Variants in CNTNAP2 observed in about 807,000 individuals in gnomAD.
CNTNAP2 encodes contactin associated protein 2.
A neutral mutation model predicts 155.2 loss-of-function variants in CNTNAP2; 98 were observed. The observed-to-expected ratio is 0.63, with a 90% confidence interval of 0.54 to 0.75. The LOEUF is 0.75. CNTNAP2 is among the 30% of genes least tolerant of loss of function. CNTNAP2 has a pLI of 0.00. For synonymous variants in CNTNAP2, 651 were observed against 631.2 expected, an observed-to-expected ratio of 1.03 and a Z score of -0.47; for missense variants, 1,727 against 1,688.1, an observed-to-expected ratio of 1.02 and a Z score of -0.40.
chr7:146,806,067 A>G (rs1303909553), intron 2 of CNTNAP2, among the ~76,000 whole-genome samples: 3 of 152,202 alleles, frequency 2.0e-5, no homozygotes, highest in Admixed American at 6.5e-5. Context: ...CTGCTCCATG[A>G]TAGTACAAAT....
intron 13 of CNTNAP2, among the ~76,000 whole-genome samples, chr7:147,674,824 A>G (rs1216690564): frequency 6.6e-6 from 1 of 152,030 alleles, no homozygotes; most frequent in African/African-American, 2.4e-5. Flanking sequence ...TTAGTTGATA[A>G]CTGAAAGTTT....
intron 2 of CNTNAP2, among the ~76,000 whole-genome samples, chr7:146,816,219 T>A (rs988922284): frequency 6.6e-6 from 1 of 152,130 alleles, no homozygotes; most frequent in Non-Finnish European, 1.5e-5. Flanking sequence ...TCATGGTATG[T>A]GCTCAAAGAT....
chr7:146,381,464 A>G (rs997288205), intron 1 of CNTNAP2, among the ~76,000 whole-genome samples: 5 of 152,182 alleles, frequency 3.3e-5, no homozygotes, highest in African/African-American at 1.2e-4. Context: ...TGGGGAGGTC[A>G]TTTAAACTCT....
intron 3 of CNTNAP2, among the ~76,000 whole-genome samples, chr7:146,888,898 A>T (rs965380486): frequency 1.3e-5 from 2 of 152,166 alleles, no homozygotes; most frequent in African/African-American, 4.8e-5. Context: ...ATGCAAGGTA[A>T]ATAAGTCCTG....
At chr7:146,281,972 A>G (rs1015696991) in intron 1 of CNTNAP2, among the ~76,000 whole-genome samples, 1 of 152,174 alleles carries the variant, frequency 6.6e-6, no homozygotes, top group Non-Finnish European at 1.5e-5. Flanking sequence ...GTACCTTACC[A>G]TATGCCTATA....
intron 1 of CNTNAP2, among the ~76,000 whole-genome samples, chr7:146,489,751 T>C (rs1201304529): frequency 2.6e-5 from 4 of 152,270 alleles, no homozygotes; most frequent in Non-Finnish European, 4.4e-5. Flanking sequence ...AGGAATTTTA[T>C]TGAGCAAGGG....
chr7:147,094,705 A>G (rs1456200224), intron 4 of CNTNAP2, among the ~76,000 whole-genome samples: 1 of 151,864 alleles, frequency 6.6e-6, no homozygotes, highest in Non-Finnish European at 1.5e-5. Flanking sequence ...TTAAAGCATG[A>G]ACTTTGTAAG....
chr7:146,874,752 C>G (rs1795385867), intron 3 of CNTNAP2, among the ~76,000 whole-genome samples: 1 of 152,184 alleles, frequency 6.6e-6, no homozygotes, highest in Non-Finnish European at 1.5e-5. Flanking sequence ...TGACATGATT[C>G]TTTCAATAAA....
intron 1 of CNTNAP2, among the ~76,000 whole-genome samples, chr7:146,645,978 C>G (rs1799804754): frequency 6.6e-6 from 1 of 152,112 alleles, no homozygotes. Context: ...TCATATTAAG[C>G]TATGGGAAAA....
intron 11 of CNTNAP2, among the ~76,000 whole-genome samples, chr7:147,502,229 A>C (rs1798828172): frequency 6.6e-6 from 1 of 152,210 alleles, no homozygotes; most frequent in Non-Finnish European, 1.5e-5. Context: ...AAAATCCTAA[A>C]ATTCATGTGG....
intron 9 of CNTNAP2, among the ~76,000 whole-genome samples, chr7:147,391,414 C>A (rs1049418820): frequency 6.6e-6 from 1 of 151,996 alleles, no homozygotes; most frequent in African/African-American, 2.4e-5. Context: ...GACTCCTGAC[C>A]ATAAAGTTTG....
At chr7:147,985,441 G>T (rs1156879484) in intron 15 of CNTNAP2, among the ~76,000 whole-genome samples, 2 of 129,102 alleles carry the variant, frequency 1.5e-5, no homozygotes, top group Non-Finnish European at 3.2e-5. Flanking sequence ...ATCTTCAGAG[G>T]GCAAAGGGGA....
At chr7:146,143,403 AGG>A (rs1469467200) in intron 1 of CNTNAP2, among the ~76,000 whole-genome samples, 1 of 152,178 alleles carries the variant, frequency 6.6e-6, no homozygotes, top group Non-Finnish European at 1.5e-5. Context: ...TCCATGAATA[AGG>A]ACAAAAACCT....
intron 11 of CNTNAP2, among the ~76,000 whole-genome samples, chr7:147,505,427 A>G (rs1798889622): frequency 6.6e-6 from 1 of 152,178 alleles, no homozygotes; most frequent in Non-Finnish European, 1.5e-5. Context: ...CAGCAGCGAC[A>G]TGCAAAAATC....
At chr7:146,735,251 C>T (rs1801592132) in intron 1 of CNTNAP2, among the ~76,000 whole-genome samples, 1 of 152,134 alleles carries the variant, frequency 6.6e-6, no homozygotes, top group South Asian at 2.1e-4. Flanking sequence ...TACATTAGAG[C>T]TTTTAAAAAC....
At chr7:147,267,262 C>T (rs1479570105) in intron 8 of CNTNAP2, among the ~76,000 whole-genome samples, 1 of 152,048 alleles carries the variant, frequency 6.6e-6, no homozygotes, top group African/African-American at 2.4e-5. Context: ...ATTGCATAGC[C>T]CTGTAATACT....
chr7:147,088,611 T>C (rs1481219742), intron 4 of CNTNAP2, among the ~76,000 whole-genome samples: 1 of 152,176 alleles, frequency 6.6e-6, no homozygotes, highest in African/African-American at 2.4e-5. Context: ...GGGCTGGTGA[T>C]TGAGCCCTGA....
At chr7:147,754,715 A>G (rs957970568) in intron 13 of CNTNAP2, among the ~76,000 whole-genome samples, 5 of 152,162 alleles carry the variant, frequency 3.3e-5, no homozygotes, top group African/African-American at 1.2e-4. Context: ...ATTTTAATTC[A>G]TATTGAAGAA....
intron 1 of CNTNAP2, among the ~76,000 whole-genome samples, chr7:146,454,850 G>A (rs12534461): frequency 0.58 from 88,710 of 151,910 alleles, 28,911 homozygotes; most frequent in South Asian, 0.82. Flanking sequence ...ACATATATAT[G>A]TTAGCTTAGA....
Sources: gnomAD v4.1 joint callset for allele counts (sites outside exome capture counted in the v4.1 genomes callset) on GRCh38, gnomAD v4.1.1 for gene constraint, MANE v1.5 for transcripts, NCBI Gene and HGNC (gene_info 2026-07-23, HGNC 2026-07-21) for gene names.